Variants in SPATA6L observed in about 807,000 individuals in gnomAD.
SPATA6L encodes the protein spermatogenesis associated 6 like.
A neutral mutation model predicts 49.2 loss-of-function variants in SPATA6L; 68 were observed. That is an observed-to-expected ratio of 1.38 (90% CI 1.14 to 1.69). The LOEUF (loss-of-function observed/expected upper bound fraction) is 1.69, where lower values mean the gene tolerates loss of function less well. SPATA6L is among the 40% of genes most tolerant of loss of function. SPATA6L has a pLI of 0.00. For synonymous variants in SPATA6L, 198 were observed against 165.7 expected (o/e 1.19, Z -1.50); for missense variants, 668 against 464.3 (o/e 1.44, Z -4.03).
At chr9:4,664,875 G>C (rs1223281737) in intron 1 of SPATA6L, 1 of 167,012 alleles carries the variant, frequency 6.0e-6, no homozygotes, top group Non-Finnish European at 1.5e-5. Flanking sequence ...CCTGAATACC[G>C]ACTACCTCTT....
At position 4,662,225 on chromosome 9, in the gene SPATA6L, C is replaced by T; in HGVS notation, c.40-189G>A. The stretch of plus-strand genomic sequence containing the variant: ...TCCTCACATTGGAAATTCCAACTCC[C>T]TCCCACGTCTCCACCAGGTGTCACA... On this transcript the variant is annotated intron_variant, in intron 1 of 11. Coordinates refer to ENST00000682582, the MANE Select transcript of SPATA6L (RefSeq NM_001353486.2). This position sits in a 1 kb window ranked among gnomAD's most constrained non-coding sequence, Gnocchi z 4.9. The T allele has an allele frequency of 7.0e-7, 1 of 1,434,380 alleles. No homozygotes were observed. Among genetic ancestry groups the T allele is most frequent in the Non-Finnish European group, 9.1e-7 (1 of 1,099,236 alleles). The allele number at this position is 1,434,380 out of a possible 1,614,324, so 88.9% of individuals were successfully genotyped here.
intron 4 of SPATA6L, among the ~76,000 whole-genome samples, chr9:4,629,420 A>G (rs1831013727): frequency 6.6e-6 from 1 of 152,138 alleles, no homozygotes; most frequent in South Asian, 2.1e-4. Flanking sequence ...AGCAGGTTTT[A>G]TAATAGTATC....
intron 9 of SPATA6L, among the ~76,000 whole-genome samples, chr9:4,610,577 G>C (rs1475880543): frequency 6.7e-6 from 1 of 149,798 alleles, no homozygotes; most frequent in Non-Finnish European, 1.5e-5. Flanking sequence ...ATGGTGCTGG[G>C]AAAACTGGCT....
chr9:4,663,398 T>A, intron 1 of SPATA6L: 1 of 935,002 alleles, frequency 1.1e-6, no homozygotes, highest in Admixed American at 2.3e-5. Context: ...TGTCCCATGA[T>A]CTTGATGTGC....
At chr9:4,589,965 C>T (rs915157638) in intron 13 of SPATA6L, among the ~76,000 whole-genome samples, 3 of 152,268 alleles carry the variant, frequency 2.0e-5, no homozygotes, top group South Asian at 2.1e-4. Flanking sequence ...ACTCTGTCAC[C>T]GAGGCTGGAG....
intron 3 of SPATA6L, among the ~76,000 whole-genome samples, chr9:4,646,795 G>A (rs1835481638): frequency 6.6e-6 from 1 of 152,054 alleles, no homozygotes; most frequent in African/African-American, 2.4e-5. Context: ...GGATCTGGAG[G>A]CCATTATCAA....
chr9:4,642,830 A>G (rs150103339), intron 3 of SPATA6L, among the ~76,000 whole-genome samples: 319 of 149,684 alleles, frequency 2.1e-3, no homozygotes, highest in African/African-American at 7.9e-3. Context: ...ATCAACATTT[A>G]TATCCAGACA....
At chr9:4,651,000 C>A (rs970012755) in intron 3 of SPATA6L, among the ~76,000 whole-genome samples, 3 of 151,930 alleles carry the variant, frequency 2.0e-5, no homozygotes, top group African/African-American at 7.3e-5. Context: ...CCGTGCCCGG[C>A]GTAGAAATAA....
intron 9 of SPATA6L, among the ~76,000 whole-genome samples, chr9:4,616,408 T>C (rs1828019959): frequency 6.6e-6 from 1 of 152,230 alleles, no homozygotes; most frequent in Non-Finnish European, 1.5e-5. Context: ...CTTTCCGTTC[T>C]TCATTTAAAA....
At chr9:4,611,701 T>C (rs915705996) in intron 9 of SPATA6L, among the ~76,000 whole-genome samples, 5 of 148,572 alleles carry the variant, frequency 3.4e-5, no homozygotes, top group African/African-American at 9.9e-5. Flanking sequence ...TAATGCTAGA[T>C]GACGAGTTAG....
chr9:4,653,233 A>C (rs189097889), intron 3 of SPATA6L, among the ~76,000 whole-genome samples: 1 of 152,368 alleles, frequency 6.6e-6, no homozygotes, highest in African/African-American at 2.4e-5. Context: ...AATTTCAACA[A>C]GGGTACCAAG....
chr9:4,663,292 A>G lies in SPATA6L; in HGVS notation c.40-1256T>C, dbSNP rs183877425. The stretch of plus-strand genomic sequence containing the variant: ...CATCTCATTGATTATGGCACCAGGA[A>G]GTCTGAAGGTTTCCACATTCGATGA... On this transcript the variant is annotated intron_variant, in intron 1 of 11. Transcript: ENST00000682582. 60 of 1,594,466 alleles carry G rather than the reference A, an allele frequency of 3.8e-5. 1 individual carries two copies. The highest frequency in any genetic ancestry group is 1.7e-4 in the Middle Eastern group (1 of 5,966).
chr9:4,660,187 A>G (rs1294565445), intron 2 of SPATA6L, among the ~76,000 whole-genome samples: 1 of 152,248 alleles, frequency 6.6e-6, no homozygotes, highest in East Asian at 1.9e-4. Context: ...AATGGGATCT[A>G]ATTAAACTAA....
chr9:4,629,755 A>ATATGTGTGTGTG (rs1554721565), intron 4 of SPATA6L, among the ~76,000 whole-genome samples: 5 of 125,430 alleles, frequency 4.0e-5, no homozygotes, highest in Middle Eastern at 4.1e-3. Context: ...TGTTTTATAT[A>ATATGTGTGTGTG]TGTGTGTGTG....
chr9:4,653,430 A>G (rs1316080546), intron 3 of SPATA6L, among the ~76,000 whole-genome samples: 1 of 152,258 alleles, frequency 6.6e-6, no homozygotes, highest in African/African-American at 2.4e-5. Context: ...GTAAGTCTTC[A>G]TGACCTTGAG....
chr9:4,618,901 A>G lies in SPATA6L; in HGVS notation c.773-3T>C, dbSNP rs1156525552. The G allele has an allele frequency of 2.5e-6, 4 of 1,613,322 alleles. No homozygotes were observed. Among genetic ancestry groups the G allele is most frequent in the Non-Finnish European group, 3.4e-6 (4 of 1,179,424 alleles). On this transcript the variant is annotated splice_region_variant and splice_polypyrimidine_tract_variant and intron_variant, in intron 7 of 11. Transcript: ENST00000682582. ...TGCAAGGCTGTCAAGAGAAGAAGCT[A>G]GAAGAAAGAGGAACAGGCATTTCAA...
intron 9 of SPATA6L, among the ~76,000 whole-genome samples, chr9:4,613,922 T>C (rs533547776): frequency 6.6e-6 from 1 of 152,298 alleles, no homozygotes; most frequent in South Asian, 2.1e-4. Context: ...TAGAAATATG[T>C]TGAAGCTATA....
At chr9:4,618,174 G>A (rs1188741716) in intron 8 of SPATA6L, 64 bp from the exon 9 acceptor site, 4 of 1,426,610 alleles carry the variant, frequency 2.8e-6, no homozygotes, top group Admixed American at 1.8e-5. Flanking sequence ...TAGAGCTGGG[G>A]GTGGGGGTTG....
chr9:4,597,899 TC>T (rs1231743787), downstream of SPATA6L, among the ~76,000 whole-genome samples: 1 of 152,192 alleles, frequency 6.6e-6, no homozygotes, highest in Admixed American at 6.5e-5. Flanking sequence ...CCCAGCGGGC[TC>T]CTTTGATGGA....
Sources: gnomAD v4.1 joint callset for allele counts (sites outside exome capture counted in the v4.1 genomes callset) on GRCh38, gnomAD v4.1.1 for gene constraint, Gnocchi (gnomAD v3.1) non-coding constraint, MANE v1.5 for transcripts, NCBI Gene and HGNC (gene_info 2026-07-23, HGNC 2026-07-21) for gene names.